Variants in C19orf47 observed in about 807,000 individuals in gnomAD.
The protein encoded by C19orf47 is chromosome 19 open reading frame 47.
A neutral mutation model predicts 32.3 loss-of-function variants in C19orf47; 18 were observed. The observed-to-expected ratio is 0.56, with a 90% CI of 0.39 to 0.83. The LOEUF is 0.83. C19orf47 is among the 40% of genes least tolerant of loss of function. C19orf47 has a pLI of 0.00. For missense variants in C19orf47, 484 were observed against 531.6 expected (o/e 0.91, Z 0.88); for synonymous variants, 202 against 211.1 (o/e 0.96, Z 0.37).
At chr19:40,343,073 G>C (rs140990023) in intron 1 of C19orf47, among the ~76,000 whole-genome samples, 1 of 152,124 alleles carries the variant, frequency 6.6e-6, no homozygotes, top group African/African-American at 2.4e-5. Context: ...CTGATTCAAC[G>C]CTATGCGACT....
the C19orf47 span, among the ~76,000 whole-genome samples, chr19:40,311,780 T>C: frequency 2.6e-5 from 4 of 151,920 alleles, no homozygotes; most frequent in South Asian, 8.3e-4. Context: ...CTCAGCCTCC[T>C]GAGCAGCTGG....
chr19:40,331,669 AG>A (rs1371347853), intron 5 of C19orf47, among the ~76,000 whole-genome samples: 1 of 152,114 alleles, frequency 6.6e-6, no homozygotes. Context: ...TGTGTTTTAA[AG>A]CACAGTTTTG....
At chr19:40,347,783 A>G (rs533045774) in intron 1 of C19orf47, among the ~76,000 whole-genome samples, 1 of 152,254 alleles carries the variant, frequency 6.6e-6, no homozygotes, top group South Asian at 2.1e-4. Flanking sequence ...TGACTCTCAG[A>G]ATCATTATCA....
chr19:40,310,938 C>A, the C19orf47 span, among the ~76,000 whole-genome samples: 1 of 152,046 alleles, frequency 6.6e-6, no homozygotes, highest in Non-Finnish European at 1.5e-5. Flanking sequence ...GCCTACCGCC[C>A]AGTTTTAAAA....
chr19:40,343,345 C>T (rs901883234), intron 1 of C19orf47: 4 of 152,256 alleles, frequency 2.6e-5, no homozygotes, highest in East Asian at 3.8e-4. Context: ...AGAGTAACAA[C>T]TCTGCAACCA....
downstream of C19orf47, among the ~76,000 whole-genome samples, chr19:40,317,576 G>A (rs2077670706): frequency 6.6e-6 from 1 of 152,134 alleles, no homozygotes; most frequent in Non-Finnish European, 1.5e-5. Flanking sequence ...CAGCTGGGAG[G>A]TGGAGGCGGC....
intron 4 of C19orf47, chr19:40,335,046 GAGGGAGGGAGGGAGGA>G (rs780505368): frequency 7.0e-4 from 96 of 136,662 alleles, no homozygotes; most frequent in Non-Finnish European, 1.4e-3. Flanking sequence ...AGGAGGGAGG[GAGGGAGGGAGGGAGGA>G]AGGGAGGGAG....
In C19orf47 at chr19:40,348,377, G is replaced by C; in HGVS notation, c.-87C>G. Reference sequence around the variant, plus strand: ...GCCGCCCGCCCTCCCTCCCGGCGGCGCCAACTGTCAGACACTCCTCCCCCG... The same window carrying C: ...GCCGCCCGCCCTCCCTCCCGGCGGCCCCAACTGTCAGACACTCCTCCCCCG... On this transcript the variant is annotated 5_prime_UTR_variant, in exon 1 of 9. Coordinates refer to ENST00000683109, the MANE Select transcript of C19orf47 (RefSeq NM_001256441.2). 1 of 1,398,826 alleles carries C rather than the reference G, an allele frequency of 7.1e-7. No homozygotes were observed. Among genetic ancestry groups the C allele is most frequent in the South Asian group, 1.4e-5 (1 of 70,996 alleles). 86.7% of individuals were successfully genotyped at this position (1,398,826 alleles called of 1,614,324 possible).
intron 7 of C19orf47, among the ~76,000 whole-genome samples, chr19:40,325,818 A>G (rs962234570): frequency 2.6e-5 from 4 of 152,176 alleles, no homozygotes; most frequent in Non-Finnish European, 5.9e-5. Context: ...CACCGCGCCC[A>G]GCCTTTTTAA....
At chr19:40,327,793 AGGC>A (rs1431312514) in intron 6 of C19orf47, among the ~76,000 whole-genome samples, 1 of 152,184 alleles carries the variant, frequency 6.6e-6, no homozygotes, top group Non-Finnish European at 1.5e-5. Context: ...AAGAGTGCTC[AGGC>A]CAAGGGGTCA....
At position 40,326,322 on chromosome 19, in the gene C19orf47, A is replaced by G. The variant is rs1312939863; in HGVS notation, c.592+12T>C. On this transcript the variant is annotated intron_variant, in intron 7 of 8. Transcript: ENST00000683109. The stretch of plus-strand genomic sequence containing the variant: ...GACCCCGCAGGGAAGCATGCCCCTG[A>G]TGGGCCAGTACCTTTTGCAGCCTGC... 6.2e-7 allele frequency: 1 copy of G among 1,613,930 alleles called. No homozygotes were observed. Among genetic ancestry groups the G allele is most frequent in the South Asian group, 1.1e-5 (1 of 91,068 alleles).
At chr19:40,345,217 G>A (rs754672157) in intron 1 of C19orf47, among the ~76,000 whole-genome samples, 86 of 152,080 alleles carry the variant, frequency 5.7e-4, no homozygotes, top group Middle Eastern at 3.4e-3. Flanking sequence ...CTGACTTTCC[G>A]AATAGTGAAA....
intron 1 of C19orf47, among the ~76,000 whole-genome samples, chr19:40,344,179 CTGGCCAAAG>C (rs1217720430): frequency 1.3e-5 from 2 of 151,960 alleles, no homozygotes; most frequent in Non-Finnish European, 2.9e-5. Flanking sequence ...AATTTTACCA[CTGGCCAAAG>C]ACAATACAGG....
intron 1 of C19orf47, among the ~76,000 whole-genome samples, chr19:40,345,579 C>T (rs1369158223): frequency 3.3e-5 from 5 of 149,320 alleles, no homozygotes; most frequent in Admixed American, 6.7e-5. Context: ...TGGTGGCTCA[C>T]GCCTGTAATC....
In C19orf47 at chr19:40,328,503, T is replaced by C. The variant is rs1600181258; in HGVS notation, c.349A>G (p.Ser117Gly). The change falls in exon 6 of 9, where the codon AGC becomes GGC. Residue 117 changes from serine (S) to glycine (G), a missense_variant. Ser to Gly is a moderately conservative substitution (Grantham distance 56, BLOSUM62 0). Around this residue, in one of 3 missense-constraint regions of C19orf47, gnomAD observed 376 missense variants for 370.2 expected, o/e 1.02. Coordinates refer to ENST00000683109, the MANE Select transcript of C19orf47 (RefSeq NM_001256441.2). The stretch of plus-strand genomic sequence containing the variant: ...GTGTCCGGGCGCCTGGGGGGTGTGC[T>C]GGGTGGAGAGTCATGGTTCAGGCTG... Reference protein sequence around the residue: ...TNSLNHDSPPSTPPRRPDTST... With the variant: ...TNSLNHDSPPGTPPRRPDTST... 1.2e-6 allele frequency: 2 copies of C among 1,611,620 alleles called. No individual in the cohort carries two copies. Among genetic ancestry groups the C allele is most frequent in the Admixed American group, 1.7e-5 (1 of 59,688 alleles).
At chr19:40,323,909 G>C in intron 8 of C19orf47, 97 bp downstream of exon 8, 1 of 1,476,054 alleles carries the variant, frequency 6.8e-7, no homozygotes, top group Non-Finnish European at 9.5e-7. Context: ...AGACGGCCCT[G>C]GGCCGAGTGA....
rs1362341422 is a variant in C19orf47 at position 40,322,037 on chromosome 19, T to C, written c.1003A>G (p.Ser335Gly). 1 of 1,614,060 alleles carries C rather than the reference T, an allele frequency of 6.2e-7. No homozygotes were observed. The highest frequency in any genetic ancestry group is 1.3e-5 in the African/African-American group (1 of 74,948). Residue 335 changes from serine to glycine, a missense_variant, in exon 9 of 9, where the codon AGC (serine) becomes GGC (glycine). Transcript: ENST00000683109. Reference protein sequence around the residue: ...VPEAQDSQVTSTKSKSSAEVK... With the variant: ...VPEAQDSQVTGTKSKSSAEVK... ...TCGGCTGAGGACTTACTCTTGGTGCTGGTGACCTGGCTGTCCTGGGCCTCG... is the reference window on the plus strand; with the variant it reads ...TCGGCTGAGGACTTACTCTTGGTGCCGGTGACCTGGCTGTCCTGGGCCTCG...
At chr19:40,325,445 T>G (rs1159293852) in intron 7 of C19orf47, among the ~76,000 whole-genome samples, 2 of 151,788 alleles carry the variant, frequency 1.3e-5, no homozygotes, top group Non-Finnish European at 2.9e-5. Context: ...CTGGGCAACA[T>G]GGCAAAACCC....
In C19orf47 at chr19:40,326,346, G is replaced by A. The variant is rs2077828364; in HGVS notation, c.580C>T (p.Gln194Ter). The change falls in exon 7 of 9, where the codon CAG (glutamine) becomes TAG (stop). Residue 194 changes from glutamine to a stop codon, truncating the protein, a stop_gained. Coordinates refer to ENST00000683109, the MANE Select transcript of C19orf47 (RefSeq NM_001256441.2). LOFTEE classifies it high-confidence loss of function. ...PRTRKILEQQ[Q>*]AAKGLHRTSV... ...GATGGGCCAGTACCTTTTGCAGCCT[G>A]CTGCTGCTCCAGGATCTTGCGGGTG... 1 of 1,614,034 alleles carries A rather than the reference G, an allele frequency of 6.2e-7. No homozygotes were observed. Among genetic ancestry groups the A allele is most frequent in the African/African-American group, 1.3e-5 (1 of 74,914 alleles).
Sources: allele counts gnomAD v4.1 joint callset (sites outside exome capture counted in the v4.1 genomes callset), GRCh38; gene constraint gnomAD v4.1.1; regional missense constraint gnomAD v4.1.1; transcripts MANE v1.5; gene names NCBI Gene and HGNC (gene_info 2026-07-23, HGNC 2026-07-21).